PDE3A: variants seen among roughly 807,000 people sequenced by gnomAD.
PDE3A encodes cGMP-inhibited 3',5'-cyclic phosphodiesterase 3A.
In PDE3A, 43 loss-of-function variants were observed where a neutral mutation model predicts 98.3. The observed-to-expected ratio is 0.44, with a 90% CI of 0.34 to 0.56. The LOEUF (loss-of-function observed/expected upper bound fraction) is 0.56, where lower values mean the gene tolerates loss of function less well. Among genes scored for constraint, PDE3A ranks in the 20% least tolerant of loss-of-function variants. The probability of loss-of-function intolerance (pLI) is 0.01; values close to 1 mark genes in which losing one functional copy is unlikely to be tolerated. For synonymous variants in PDE3A, 663 were observed against 567.9 expected (o/e 1.17, Z -2.38); for missense variants, 1,427 against 1,440.7 (o/e 0.99, Z 0.15).
At chr12:20,483,569 A>C (rs1403298468) in intron 1 of PDE3A, among the ~76,000 whole-genome samples, 1 of 152,124 alleles carries the variant, frequency 6.6e-6, no homozygotes, top group Non-Finnish European at 1.5e-5. Context: ...TAATATAGAG[A>C]GATACTTTTA....
At chr12:20,461,110 C>G (rs546880127) in intron 1 of PDE3A, among the ~76,000 whole-genome samples, 4 of 151,706 alleles carry the variant, frequency 2.6e-5, no homozygotes, top group Non-Finnish European at 5.9e-5. Context: ...CATTTCTACT[C>G]TAATGTTACT....
At chr12:20,631,908 CAG>C (rs1944389295) in intron 6 of PDE3A, among the ~76,000 whole-genome samples, 2 of 148,192 alleles carry the variant, frequency 1.3e-5, no homozygotes, top group Non-Finnish European at 3.0e-5. Flanking sequence ...CATGTAGGCA[CAG>C]AGAGCTCCAG....
chr12:20,610,116 A>G (rs1202755194), intron 2 of PDE3A, among the ~76,000 whole-genome samples: 1 of 12,904 alleles, frequency 7.7e-5, no homozygotes, highest in Non-Finnish European at 5.0e-4. Flanking sequence ...GGCAACTGAC[A>G]GACTGGGAAA....
chr12:20,449,791 T>A (rs1028352884), intron 1 of PDE3A: 12 of 515,272 alleles, frequency 2.3e-5, no homozygotes, highest in Admixed American at 6.9e-5. Flanking sequence ...ACTGGATTAC[T>A]TGGTCAGTTT....
At chr12:20,556,396 T>C (rs1942369514) in intron 1 of PDE3A, among the ~76,000 whole-genome samples, 1 of 152,150 alleles carries the variant, frequency 6.6e-6, no homozygotes, top group Admixed American at 6.5e-5. Flanking sequence ...TTAACATCTA[T>C]CTAGGATGTT....
chr12:20,484,828 G>A lies in PDE3A; in HGVS notation c.961-71832G>A, dbSNP rs188668073. Among the ~76,000 whole-genome samples, 262 of 152,072 alleles carry A rather than the reference G, an allele frequency of 1.7e-3. 2 individuals carry two copies. Among genetic ancestry groups the A allele is most frequent in the Middle Eastern group, 0.01 (3 of 292 alleles). On this transcript the variant is annotated intron_variant, in intron 1 of 15. Transcript: ENST00000359062. ...TGACTAGAAAGGCCAGTTGTAATTC[G>A]TGTTTAAAAAATTACTATATCATCT...
At chr12:20,561,106 C>A (rs1255209296) in intron 2 of PDE3A, among the ~76,000 whole-genome samples, 1 of 145,464 alleles carries the variant, frequency 6.9e-6, no homozygotes, top group Non-Finnish European at 1.5e-5. Flanking sequence ...ACTAAAGATA[C>A]AAAAATTAGC....
At chr12:20,553,929 A>G (rs1942289248) in intron 1 of PDE3A, among the ~76,000 whole-genome samples, 1 of 151,922 alleles carries the variant, frequency 6.6e-6, no homozygotes, top group South Asian at 2.1e-4. Flanking sequence ...TGAGCCTTAT[A>G]GATCATTTAC....
intron 2 of PDE3A, among the ~76,000 whole-genome samples, chr12:20,561,489 G>A (rs188576042): frequency 9.1e-4 from 138 of 152,300 alleles, no homozygotes; most frequent in Non-Finnish European, 6.6e-4. Flanking sequence ...TGTGTCAGAT[G>A]TGAGTGTGCT....
At chr12:20,581,828 G>C (rs1943075613) in intron 2 of PDE3A, among the ~76,000 whole-genome samples, 1 of 151,768 alleles carries the variant, frequency 6.6e-6, no homozygotes, top group South Asian at 2.1e-4. Flanking sequence ...TAGCCGGGAT[G>C]GTCTCGATCT....
chr12:20,572,659 G>A (rs1160304548), intron 2 of PDE3A, among the ~76,000 whole-genome samples: 1 of 151,970 alleles, frequency 6.6e-6, no homozygotes, highest in African/African-American at 2.4e-5. Context: ...ATTTATGAAG[G>A]AAAATGAAAT....
chr12:20,546,960 T>C (rs1003955803), intron 1 of PDE3A, among the ~76,000 whole-genome samples: 2 of 152,006 alleles, frequency 1.3e-5, no homozygotes. Context: ...TAAAGGAAAA[T>C]AGTAAATACC....
At position 20,481,764 on chromosome 12, in the gene PDE3A, ATTT is replaced by A. The variant is rs10657239; in HGVS notation, c.961-74876_961-74874del. On this transcript the variant is annotated intron_variant, in intron 1 of 15. Coordinates refer to ENST00000359062, the MANE Select transcript of PDE3A (RefSeq NM_000921.5). Reference sequence around the variant, plus strand: ...TCCATGTAAGTGACTTGGGAAATAGATTTTTTTTTTTTTTTTTTTTTTGAGCAG... The same window carrying A: ...TCCATGTAAGTGACTTGGGAAATAGATTTTTTTTTTTTTTTTTTTGAGCAG... Among the ~76,000 whole-genome samples the A allele has an allele frequency of 3.2e-3, 251 of 79,596 alleles. 2 individuals carry two copies. Among genetic ancestry groups the A allele is most frequent in the African/African-American group, 0.012 (231 of 19,306 alleles). 52.2% of individuals were successfully genotyped at this position (79,596 alleles called of 152,430 possible). A position where few individuals can be genotyped will look rare whatever the true frequency, so the allele number is the denominator to read the frequency against.
chr12:20,419,831 G>A (rs1000486161), intron 1 of PDE3A, among the ~76,000 whole-genome samples: 9 of 145,348 alleles, frequency 6.2e-5, no homozygotes, highest in African/African-American at 1.8e-4. Flanking sequence ...ATCTGCCTCC[G>A]AGGTTCAAGT....
rs1270294119 is a variant in PDE3A at position 20,671,269 on chromosome 12, T to A, written c.3185-8761T>A. Reference sequence around the variant, plus strand: ...ATTCACAGCTGAATTCTACCAGAGGTACAAGGAGGAACTGGTACCATTCCT... The same window carrying A: ...ATTCACAGCTGAATTCTACCAGAGGAACAAGGAGGAACTGGTACCATTCCT... On this transcript the variant is annotated intron_variant, in intron 15 of 15. Coordinates refer to ENST00000359062, the MANE Select transcript of PDE3A (RefSeq NM_000921.5). Among the ~76,000 whole-genome samples, 4 of 149,924 alleles carry A rather than the reference T, an allele frequency of 2.7e-5. No individual in the cohort carries two copies. In the East Asian group the frequency reaches 5.9e-4, roughly 22 times the overall value.
At chr12:20,513,712 A>G (rs950032742) in intron 1 of PDE3A, among the ~76,000 whole-genome samples, 1 of 152,164 alleles carries the variant, frequency 6.6e-6, no homozygotes, top group African/African-American at 2.4e-5. Context: ...GTTATATTAA[A>G]CTGTAAGGAC....
chr12:20,544,137 A>G (rs1165465281), intron 1 of PDE3A, among the ~76,000 whole-genome samples: 1 of 150,506 alleles, frequency 6.6e-6, no homozygotes, highest in Non-Finnish European at 1.5e-5. Flanking sequence ...TTATGCTTAC[A>G]TAGAGCATAA....
intron 1 of PDE3A, among the ~76,000 whole-genome samples, chr12:20,414,266 A>G (rs925753829): frequency 1.2e-4 from 18 of 152,238 alleles, no homozygotes; most frequent in African/African-American, 4.3e-4. Flanking sequence ...GCTTGTAGAA[A>G]AAGAAGCACT....
At chr12:20,421,209 A>C (rs1944506163) in intron 1 of PDE3A, among the ~76,000 whole-genome samples, 1 of 152,206 alleles carries the variant, frequency 6.6e-6, no homozygotes, top group Non-Finnish European at 1.5e-5. Flanking sequence ...ACTGACTTTT[A>C]GGCACATATA....
Sources: gnomAD v4.1 joint callset for allele counts (sites outside exome capture counted in the v4.1 genomes callset) on GRCh38, gnomAD v4.1.1 for gene constraint, MANE v1.5 for transcripts, NCBI Gene and HGNC (gene_info 2026-07-23, HGNC 2026-07-21) for gene names.